The following UGT2A2 variants were observed in gnomAD, a reference collection of about 807,000 sequenced individuals.
UGT2A2 encodes the protein UDP glucuronosyltransferase family 2 member A2.
In UGT2A2, 60 loss-of-function variants were observed where a neutral mutation model predicts 50.7. The observed-to-expected ratio is 1.18, with a 90% CI of 0.96 to 1.47. UGT2A2 has a LOEUF of 1.47. UGT2A2 is among the 40% of genes most tolerant of loss of function. The probability of loss-of-function intolerance (pLI) is 0.00; values close to 1 mark genes in which losing one functional copy is unlikely to be tolerated. For missense variants in UGT2A2, 762 were observed against 634.0 expected (o/e 1.20, Z -2.17); for synonymous variants, 242 against 214.6 (o/e 1.13, Z -1.11).
intron 1 of UGT2A2, among the ~76,000 whole-genome samples, chr4:69,630,472 C>T (rs1721321845): frequency 6.6e-6 from 1 of 152,092 alleles, no homozygotes; most frequent in Admixed American, 6.5e-5. Context: ...ATTCCCTCTC[C>T]TTTTAACCAC....
chr4:69,632,102 T>C (rs989402512), intron 1 of UGT2A2, among the ~76,000 whole-genome samples: 3 of 152,198 alleles, frequency 2.0e-5, no homozygotes, highest in Non-Finnish European at 4.4e-5. Flanking sequence ...AAATGAAAGA[T>C]CTATTCCTAT....
chr4:69,608,295 T>C (rs1178610467), intron 1 of UGT2A2, among the ~76,000 whole-genome samples: 2 of 149,866 alleles, frequency 1.3e-5, no homozygotes, highest in Non-Finnish European at 3.0e-5. Context: ...CTGGAAACCA[T>C]CATTCTCAGC....
chr4:69,599,847 CAACCAAAATTAAACTAT>C (rs1719164833), intron 1 of UGT2A2: 1 of 153,802 alleles, frequency 6.5e-6, no homozygotes, highest in Non-Finnish European at 1.4e-5. Context: ...AATAATAAAT[CAACCAAAATTAAACTAT>C]AACTACAACT....
At chr4:69,596,465 T>C (rs1718939807) in intron 2 of UGT2A2, 84 bp from the exon 3 acceptor site, 5 of 1,382,924 alleles carry the variant, frequency 3.6e-6, no homozygotes, top group Admixed American at 2.8e-5. Context: ...GTAGGTAAAA[T>C]TAAGATATAT....
intron 1 of UGT2A2, among the ~76,000 whole-genome samples, chr4:69,601,560 C>A (rs1037421430): frequency 1.3e-5 from 2 of 152,158 alleles, no homozygotes; most frequent in African/African-American, 4.8e-5. Flanking sequence ...TCTGCATGAC[C>A]TCAGCTATCA....
At chr4:69,626,407 G>A (rs1324815831) in intron 1 of UGT2A2, among the ~76,000 whole-genome samples, 1 of 150,480 alleles carries the variant, frequency 6.6e-6, no homozygotes, top group Non-Finnish European at 1.5e-5. Flanking sequence ...TATACATGAA[G>A]TAACTATTAT....
intron 1 of UGT2A2, among the ~76,000 whole-genome samples, chr4:69,626,166 C>A (rs1477418955): frequency 6.7e-6 from 1 of 149,000 alleles, no homozygotes; most frequent in South Asian, 2.1e-4. Flanking sequence ...TTTTTTAATT[C>A]TGTTAAATAT....
intron 1 of UGT2A2, among the ~76,000 whole-genome samples, chr4:69,620,501 C>T (rs1720687271): frequency 6.6e-6 from 1 of 151,828 alleles, no homozygotes; most frequent in South Asian, 2.1e-4. Context: ...AATGAAAAAA[C>T]ATTTCATGCT....
rs143064060 is a variant in UGT2A2 at position 69,627,598 on chromosome 4, A to AAAAGAAAGAAAGAAAG, written c.742+11285_742+11300dup. ...AGAGAGAAAGAAAAAAAGAAGAAAG[A>AAAAGAAAGAAAGAAAG]AAAGAAAGAAAGAAAGAGAAGAAAG... On this transcript the variant is annotated intron_variant, in intron 1 of 5. Coordinates refer to ENST00000604629, the MANE Select transcript of UGT2A2 (RefSeq NM_001105677.2). Among the ~76,000 whole-genome samples the AAAAGAAAGAAAGAAAG allele has an allele frequency of 1.8e-3, 264 of 149,218 alleles. 3 individuals carry two copies. Among genetic ancestry groups the AAAAGAAAGAAAGAAAG allele is most frequent in the African/African-American group, 5.9e-3 (240 of 40,624 alleles).
chr4:69,594,490 T>C lies in UGT2A2; in HGVS notation c.1318A>G (p.Ile440Val). Reference protein sequence around the residue: ...VDLLSALRTVINEPSYKENAM... With the variant: ...VDLLSALRTVVNEPSYKENAM... ...CTTAGTACTTACGAAGGTTCATTAA[T>C]GACTGTTCTCAAAGCGCTAAGCAAA... Residue 440 changes from isoleucine (I) to valine (V), a missense_variant, in exon 5 of 6, where the codon ATT becomes GTT. Physicochemically the swap from Ile to Val is conservative, Grantham distance 29. Coordinates refer to ENST00000604629, the MANE Select transcript of UGT2A2 (RefSeq NM_001105677.2). The C allele has an allele frequency of 3.1e-6, 5 of 1,614,164 alleles. No individual in the cohort carries two copies. Among genetic ancestry groups the C allele is most frequent in the Middle Eastern group, 1.6e-4 (1 of 6,062 alleles).
At chr4:69,604,417 GA>G (rs1314704854) in intron 1 of UGT2A2, among the ~76,000 whole-genome samples, 1 of 136,640 alleles carries the variant, frequency 7.3e-6, no homozygotes, top group Non-Finnish European at 1.6e-5. Context: ...GCTCCTGAAG[GA>G]AGCACTAAAC....
intron 4 of UGT2A2, 94 bp from the exon 5 acceptor site, chr4:69,594,790 C>T (rs1718820831): frequency 7.1e-7 from 1 of 1,403,930 alleles, no homozygotes; most frequent in Admixed American, 2.4e-5. Flanking sequence ...TAATGTAACT[C>T]TCTAAAGAAG....
At chr4:69,600,409 C>T (rs1719210418) in intron 1 of UGT2A2, among the ~76,000 whole-genome samples, 1 of 152,148 alleles carries the variant, frequency 6.6e-6, no homozygotes, top group Non-Finnish European at 1.5e-5. Flanking sequence ...GTTGAGAGAG[C>T]TCCCAACTGA....
intron 1 of UGT2A2, among the ~76,000 whole-genome samples, chr4:69,616,033 G>A (rs571821237): frequency 8.6e-5 from 13 of 151,912 alleles, no homozygotes; most frequent in Non-Finnish European, 1.8e-4. Context: ...GTGAATCAAC[G>A]GACAAGTGAA....
chr4:69,621,885 T>C (rs1720777353), intron 1 of UGT2A2, among the ~76,000 whole-genome samples: 1 of 151,726 alleles, frequency 6.6e-6, no homozygotes, highest in African/African-American at 2.4e-5. Context: ...GGGTCATTAT[T>C]CTTAGCAAAC....
intron 1 of UGT2A2, among the ~76,000 whole-genome samples, chr4:69,619,113 A>G (rs542238677): frequency 4.6e-4 from 70 of 152,070 alleles, no homozygotes; most frequent in African/African-American, 1.7e-3. Context: ...ATTTTAATAT[A>G]CAGGCCACCT....
intron 3 of UGT2A2, 111 bp from the exon 4 acceptor site, chr4:69,595,360 A>C (rs1718861356): frequency 7.9e-7 from 1 of 1,272,892 alleles, no homozygotes; most frequent in Non-Finnish European, 1.1e-6. Flanking sequence ...CGGGAATTAC[A>C]TAAGCAGTAG....
chr4:69,589,173 C>T lies in UGT2A2; in HGVS notation c.*199G>A. ...GGAGAGACAAAGGAAAAATAGAAGA[C>T]TATAACTCACAAGTTAATAATAATC... On this transcript the variant is annotated 3_prime_UTR_variant, in exon 6 of 6. Transcript: ENST00000604629. 1.6e-6 allele frequency: 1 copy of T among 630,556 alleles called. No homozygotes were observed. Among genetic ancestry groups the T allele is most frequent in the East Asian group, 3.3e-5 (1 of 30,100 alleles). 39.1% of individuals were successfully genotyped at this position (630,556 alleles called of 1,614,324 possible).
intron 1 of UGT2A2, among the ~76,000 whole-genome samples, chr4:69,638,154 C>G (rs1721824252): frequency 6.6e-6 from 1 of 152,130 alleles, no homozygotes; most frequent in African/African-American, 2.4e-5. Context: ...GTAGCATCAT[C>G]TGTTAATTCC....
Sources: gnomAD v4.1 joint callset for allele counts (sites outside exome capture counted in the v4.1 genomes callset) on GRCh38, gnomAD v4.1.1 for gene constraint, MANE v1.5 for transcripts, NCBI Gene and HGNC (gene_info 2026-07-23, HGNC 2026-07-21) for gene names.